Variants in MYO9A observed in about 807,000 individuals in gnomAD.
The protein encoded by MYO9A is unconventional myosin-IXa.
Under a neutral mutation model 293.3 loss-of-function variants are expected in MYO9A, and 103 were observed. That is an observed-to-expected ratio of 0.35 (90% CI 0.30 to 0.41). The LOEUF (loss-of-function observed/expected upper bound fraction) is 0.41. Ranked by LOEUF, MYO9A falls within the 10% of genes least tolerant of loss-of-function variation. MYO9A has a pLI of 1.00. For synonymous variants in MYO9A, 1,001 were observed against 1,035.7 expected, an observed-to-expected ratio of 0.97 and a Z score of 0.64; for missense variants, 2,685 against 3,033.0, an observed-to-expected ratio of 0.89 and a Z score of 2.69.
chr15:71,895,167 T>C (rs1467852733), intron 25 of MYO9A, among the ~76,000 whole-genome samples: 1 of 152,208 alleles, frequency 6.6e-6, no homozygotes, highest in Non-Finnish European at 1.5e-5. Flanking sequence ...TGTATAAGCC[T>C]AGCAATCCTA....
At chr15:72,074,950 C>CTTT (rs1567012010) in intron 1 of MYO9A, among the ~76,000 whole-genome samples, 4 of 71,660 alleles carry the variant, frequency 5.6e-5, no homozygotes, top group African/African-American at 2.0e-4. Flanking sequence ...ATTTTCACTG[C>CTTT]CTTTTTTTTT....
chr15:71,938,730 C>T (rs550516912), intron 16 of MYO9A, 122 bp downstream of exon 16: 288 of 789,804 alleles, frequency 3.6e-4, no homozygotes, highest in Non-Finnish European at 3.6e-4. Flanking sequence ...ATAAAGGATT[C>T]AAGAAATAAA....
intron 12 of MYO9A, among the ~76,000 whole-genome samples, chr15:71,974,017 A>C (rs371863844): frequency 1.4e-3 from 213 of 152,338 alleles, no homozygotes; most frequent in African/African-American, 4.5e-3. Flanking sequence ...GCTACAAATG[A>C]ATGGGTCTTG....
At chr15:72,017,237 C>CTAT (rs1260194296) in intron 6 of MYO9A, among the ~76,000 whole-genome samples, 17 of 151,966 alleles carry the variant, frequency 1.1e-4, no homozygotes, top group African/African-American at 3.9e-4. Flanking sequence ...TAGTCTCAAA[C>CTAT]TCCCAGTCTC....
Position 71,827,900 on chromosome 15 carries a change from A to G in MYO9A, c.7167T>C (p.Ala2389=), listed in dbSNP as rs1358087653. 1 of 1,613,418 alleles carries G rather than the reference A, an allele frequency of 6.2e-7. No homozygotes were observed. Among genetic ancestry groups the G allele is most frequent in the Non-Finnish European group, 8.5e-7 (1 of 1,179,664 alleles). ...TTCACTTACCTGATTTCTCAGAGAT[A>G]GCATATTCAGACTCCATATTCAAAT... ...SENLNMESEY[A]ISEKSERSLA... Residue 2389 remains alanine, a synonymous_variant, in exon 41 of 42, where the codon GCT becomes GCC. Transcript: ENST00000356056.
At chr15:71,923,028 T>G (rs1217322329) in intron 18 of MYO9A, among the ~76,000 whole-genome samples, 1 of 152,164 alleles carries the variant, frequency 6.6e-6, no homozygotes, top group Admixed American at 6.5e-5. Context: ...GTCTGTCATG[T>G]GGTCTTTATT....
chr15:72,103,207 A>G (rs1292090600), intron 1 of MYO9A, among the ~76,000 whole-genome samples: 1 of 146,464 alleles, frequency 6.8e-6, no homozygotes, highest in Non-Finnish European at 1.5e-5. Context: ...AGAAAAAAAA[A>G]AAGCAGCAGC....
rs2075916608 is a variant in MYO9A, at chr15:71,967,889, A to T, written c.1986+95T>A. 4 of 1,257,862 alleles carry T rather than the reference A, an allele frequency of 3.2e-6. No individual in the cohort carries two copies. In the Middle Eastern group the frequency reaches 8.1e-4, roughly 253 times the overall value. 77.9% of individuals were successfully genotyped at this position (1,257,862 alleles called of 1,614,324 possible). A position where few individuals can be genotyped will look rare whatever the true frequency, so the allele number is the denominator to read the frequency against. Reference sequence around the variant, plus strand: ...ACAATATCTCCAGTTATTACTGATCAAAAGCCTCCACAAACTACAAAGAGG... The same window carrying T: ...ACAATATCTCCAGTTATTACTGATCTAAAGCCTCCACAAACTACAAAGAGG... On this transcript the variant is annotated intron_variant, in intron 13 of 41. Coordinates refer to ENST00000356056, the MANE Select transcript of MYO9A (RefSeq NM_006901.4).
intron 1 of MYO9A, among the ~76,000 whole-genome samples, chr15:72,076,430 T>G (rs2079354146): frequency 6.6e-6 from 1 of 151,976 alleles, no homozygotes; most frequent in Non-Finnish European, 1.5e-5. Context: ...ACAAGGTCAA[T>G]CTACACAAAT....
intron 39 of MYO9A, among the ~76,000 whole-genome samples, chr15:71,836,449 G>C (rs1397015643): frequency 6.6e-6 from 1 of 151,932 alleles, no homozygotes; most frequent in Non-Finnish European, 1.5e-5. Flanking sequence ...AGAAAGTTTG[G>C]CATTATCTAC....
chr15:71,956,994 A>G (rs1041194610), intron 14 of MYO9A, among the ~76,000 whole-genome samples: 1 of 151,974 alleles, frequency 6.6e-6, no homozygotes, highest in Non-Finnish European at 1.5e-5. Flanking sequence ...TCATCCATTC[A>G]TCAGTTGATG....
At chr15:71,859,844 G>T in intron 33 of MYO9A, 48 bp from the exon 34 acceptor site, 2 of 1,499,620 alleles carry the variant, frequency 1.3e-6, no homozygotes, top group Middle Eastern at 1.8e-4. Flanking sequence ...CTGTACATCA[G>T]TGATAATAAC....
intron 6 of MYO9A, among the ~76,000 whole-genome samples, chr15:72,014,659 C>T (rs1408435600): frequency 6.7e-6 from 1 of 148,456 alleles, no homozygotes; most frequent in Admixed American, 6.8e-5. Flanking sequence ...GTGCTCCAGC[C>T]TAGGTGACAG....
At chr15:72,010,964 T>C (rs2077154520) in intron 6 of MYO9A, among the ~76,000 whole-genome samples, 1 of 152,008 alleles carries the variant, frequency 6.6e-6, no homozygotes. Context: ...CGTAATATAG[T>C]TTGTTACATC....
intron 16 of MYO9A, among the ~76,000 whole-genome samples, chr15:71,937,748 TA>T (rs2058677462): frequency 6.6e-6 from 1 of 152,098 alleles, no homozygotes. Context: ...TTAGGAAACT[TA>T]AAACCACTAA....
At position 71,898,089 on chromosome 15, in the gene MYO9A, CT is replaced by C. The variant is rs1399993070; in HGVS notation, c.4413del (p.Asp1472IlefsTer7). 1 of 1,614,148 alleles carries C rather than the reference CT, an allele frequency of 6.2e-7. No homozygotes were observed. The highest frequency in any genetic ancestry group is 1.7e-5 in the Admixed American group (1 of 60,010). Reference sequence around the variant, plus strand: ...GTATTCAAAGAAGGAACAATCTGATCTTTTCCTGAGCAGTGATACCTTCTAG... The same window carrying C: ...GTATTCAAAGAAGGAACAATCTGATCTTTCCTGAGCAGTGATACCTTCTAG... Reference protein sequence around the residue: ...RETRRYHCSGKDQIVPSLNTE... With the variant: ...RETRRYHCSGXDQIVPSLNTE... On this transcript the variant is annotated frameshift_variant, in exon 25 of 42. Transcript: ENST00000356056. LOFTEE classifies it high-confidence loss of function.
At chr15:72,021,288 C>G (rs572636088) in intron 4 of MYO9A, among the ~76,000 whole-genome samples, 1 of 152,270 alleles carries the variant, frequency 6.6e-6, no homozygotes, top group East Asian at 1.9e-4. Context: ...AGAAATCTGG[C>G]AAATCTGTCA....
chr15:71,985,217 G>A (rs948817141), intron 11 of MYO9A, among the ~76,000 whole-genome samples: 1 of 152,092 alleles, frequency 6.6e-6, no homozygotes, highest in Admixed American at 6.6e-5. Context: ...ACCATGCCCG[G>A]CCACATTTCT....
chr15:72,064,958 T>C (rs1214123956), intron 1 of MYO9A, among the ~76,000 whole-genome samples: 2 of 152,120 alleles, frequency 1.3e-5, no homozygotes, highest in Non-Finnish European at 2.9e-5. Context: ...TATCAAGACT[T>C]AGTACAAAGC....
Sources: gnomAD v4.1 joint callset for allele counts (sites outside exome capture counted in the v4.1 genomes callset) on GRCh38, gnomAD v4.1.1 for gene constraint, MANE v1.5 for transcripts, NCBI Gene and HGNC (gene_info 2026-07-23, HGNC 2026-07-21) for gene names.